The following DRC4 variants were observed in gnomAD, a reference collection of about 807,000 sequenced individuals.
DRC4 encodes dynein regulatory complex subunit 4, also known as GAS-11.
At chr16:90,019,766 C>G in the DRC4 span, 1 of 689,970 alleles carries the variant, frequency 1.4e-6, no homozygotes, top group Non-Finnish European at 2.6e-6. The surrounding 1 kb of genome is among the most constrained non-coding windows in gnomAD (Gnocchi z 6.1). Flanking sequence ...TGTTCTCTTC[C>G]AGGTACTTGC....
At chr16:90,037,475 A>T in the DRC4 span, 1 of 1,496,366 alleles carries the variant, frequency 6.7e-7, no homozygotes, top group East Asian at 2.3e-5. Flanking sequence ...CATCACAGGG[A>T]GGGGCTTGGC....
chr16:90,044,598 G>A, the DRC4 span: 1 of 471,200 alleles, frequency 2.1e-6, no homozygotes, highest in Non-Finnish European at 4.4e-6. Flanking sequence ...TCTGGTCCAG[G>A]ACAGTGACCA....
the DRC4 span, among the ~76,000 whole-genome samples, chr16:90,034,031 G>T: frequency 6.6e-6 from 1 of 152,010 alleles, no homozygotes; most frequent in Admixed American, 6.6e-5. Flanking sequence ...GAAAGCCGTG[G>T]TGGGGACTGG....
the DRC4 span, among the ~76,000 whole-genome samples, chr16:90,030,507 ATTTTTT>A: frequency 1.7e-5 from 2 of 118,972 alleles, no homozygotes. Flanking sequence ...CTCCTGGCTA[ATTTTTT>A]TTTTTTTTTT....
chr16:90,031,892 C>T, the DRC4 span, among the ~76,000 whole-genome samples: 2 of 152,062 alleles, frequency 1.3e-5, no homozygotes, highest in Non-Finnish European at 1.5e-5. Flanking sequence ...TGCAAGTGAG[C>T]ATGTGTGTGC....
chr16:90,023,566 G>A, the DRC4 span, among the ~76,000 whole-genome samples: 4 of 152,204 alleles, frequency 2.6e-5, no homozygotes, highest in Admixed American at 6.5e-5. Context: ...TGCCTTCAGG[G>A]CTTTGTGATG....
chr16:90,024,825 A>ACAAAAT, the DRC4 span, among the ~76,000 whole-genome samples: 1 of 152,054 alleles, frequency 6.6e-6, no homozygotes, highest in Non-Finnish European at 1.5e-5. Flanking sequence ...AAAAACAAAA[A>ACAAAAT]CAAAAAACAA....
the DRC4 span, among the ~76,000 whole-genome samples, chr16:90,042,018 A>G: frequency 6.6e-6 from 1 of 150,878 alleles, no homozygotes; most frequent in African/African-American, 2.4e-5. Context: ...GCGCACTGCA[A>G]CCTCCGTTTC....
the DRC4 span, among the ~76,000 whole-genome samples, chr16:90,025,018 T>TC: frequency 0.017 from 2,267 of 134,706 alleles, 28 homozygotes; most frequent in Non-Finnish European, 0.024. Context: ...TCTCTCTCTC[T>TC]TTTTTTTTTT....
At chr16:90,037,954 G>T in the DRC4 span, 2 of 977,778 alleles carry the variant, frequency 2.0e-6, no homozygotes, top group South Asian at 2.6e-5. Context: ...CAGTGGGGAT[G>T]GCACCCCTGC....
At chr16:90,042,455 CCT>C in the DRC4 span, 25 of 1,612,888 alleles carry the variant, frequency 1.6e-5, no homozygotes, top group African/African-American at 3.1e-4. Flanking sequence ...ACTCCCATCA[CCT>C]CTCTCTCCTC....
chr16:90,021,259 T>C, the DRC4 span, among the ~76,000 whole-genome samples: 1 of 152,194 alleles, frequency 6.6e-6, no homozygotes, highest in Admixed American at 6.5e-5. Context: ...ACCCAGCTCA[T>C]GTGGCAACTT....
the DRC4 span, chr16:90,022,652 G>C: frequency 7.1e-7 from 1 of 1,404,842 alleles, no homozygotes; most frequent in Non-Finnish European, 9.3e-7. Flanking sequence ...GCGGTTGCCG[G>C]GAAACGGCGT....
the DRC4 span, among the ~76,000 whole-genome samples, chr16:90,034,607 G>C: frequency 1.3e-5 from 2 of 152,056 alleles, no homozygotes; most frequent in Non-Finnish European, 2.9e-5. Flanking sequence ...GGGCGACAGT[G>C]TGAGAGTCTG....
At chr16:90,043,385 G>C in the DRC4 span, 1 of 1,570,760 alleles carries the variant, frequency 6.4e-7, no homozygotes, top group Non-Finnish European at 8.6e-7. Context: ...AACCAGCCTA[G>C]GAACACTCGG....
chr16:90,021,265 A>T, the DRC4 span, among the ~76,000 whole-genome samples: 1 of 152,146 alleles, frequency 6.6e-6, no homozygotes, highest in African/African-American at 2.4e-5. Context: ...CTCATGTGGC[A>T]ACTTCCTCCC....
the DRC4 span, among the ~76,000 whole-genome samples, chr16:90,035,480 T>C: frequency 6.6e-6 from 1 of 152,162 alleles, no homozygotes; most frequent in Non-Finnish European, 1.5e-5. Flanking sequence ...CGTCTGTTCA[T>C]GTTCTCTCTC....
the DRC4 span, chr16:90,043,061 G>C: frequency 3.9e-6 from 4 of 1,035,710 alleles, no homozygotes; most frequent in Admixed American, 2.8e-5. Flanking sequence ...TCCCACACGG[G>C]AAATGACTGA....
chr16:90,029,420 C>G, the DRC4 span: 3 of 872,322 alleles, frequency 3.4e-6, no homozygotes, highest in African/African-American at 3.5e-5. Context: ...AGCTGGAAAT[C>G]TGGATATTTA....
Sources: allele counts gnomAD v4.1 joint callset (sites outside exome capture counted in the v4.1 genomes callset), GRCh38; gene constraint gnomAD v4.1.1; non-coding constraint Gnocchi (gnomAD v3.1); transcripts MANE v1.5; gene names NCBI Gene and HGNC (gene_info 2026-07-23, HGNC 2026-07-21).